Variants in TG observed in about 807,000 individuals in gnomAD.
TG encodes the protein thyroid hormones.
A neutral mutation model predicts 324.7 loss-of-function variants in TG; 270 were observed. That is an observed-to-expected ratio of 0.83 (90% CI 0.75 to 0.92). The LOEUF (loss-of-function observed/expected upper bound fraction) is 0.92, where lower values mean the gene tolerates loss of function less well. TG is among the 40% of genes least tolerant of loss of function. The pLI, the probability that TG is intolerant of heterozygous loss-of-function variation, is 0.00. For missense variants in TG, 3,591 were observed against 3,456.4 expected (o/e 1.04, Z -0.98); for synonymous variants, 1,401 against 1,327.0 (o/e 1.06, Z -1.21).
rs1250770423 is a variant in TG at position 132,889,346 on chromosome 8, TTTGCAAGTTTAACA to T, written c.2761+782_2761+795del. On this transcript the variant is annotated intron_variant, in intron 10 of 47. Coordinates refer to ENST00000220616, the MANE Select transcript of TG (RefSeq NM_003235.5). The stretch of plus-strand genomic sequence containing the variant: ...TTCAGTAAAATCTCTCAATTCATTC[TTTGCAAGTTTAACA>T]TTGTCTGGACCTTCCTGAGTAATGT... Among the ~76,000 whole-genome samples, 8 of 152,392 alleles carry T rather than the reference TTTGCAAGTTTAACA, an allele frequency of 5.2e-5. No individual in the cohort carries two copies. In the East Asian group the frequency reaches 1.5e-3, roughly 29 times the overall value.
At chr8:132,954,133 A>G (rs1464219836) in intron 27 of TG, among the ~76,000 whole-genome samples, 3 of 152,022 alleles carry the variant, frequency 2.0e-5, no homozygotes, top group East Asian at 1.9e-4. Flanking sequence ...AGTGATTGTC[A>G]TTATCTTGGG....
chr8:133,102,995 C>T (rs927250591), intron 43 of TG: 4 of 227,034 alleles, frequency 1.8e-5, no homozygotes, highest in South Asian at 5.7e-5. Context: ...ACAGGAATAT[C>T]CAGTCTTTGG....
intron 43 of TG, among the ~76,000 whole-genome samples, chr8:133,105,870 C>T (rs370554396): frequency 3.3e-5 from 5 of 152,132 alleles, no homozygotes; most frequent in African/African-American, 4.8e-5. Context: ...GGGGATGGGG[C>T]GTCTACTGGT....
In TG at chr8:132,972,802, C is replaced by T. The variant is rs563636417; in HGVS notation, c.6199+61C>T. 441 of 1,600,610 alleles carry T rather than the reference C, an allele frequency of 2.8e-4. 1 individual carries two copies. The Middle Eastern group carries it at 3.2e-3, about 12-fold the overall frequency. ...TTTAGTTAACTATTTCCCAGCCATG[C>T]ATTAGGACAATATTCTTGGATTGGT... is the stretch of plus-strand genomic sequence containing the variant. On this transcript the variant is annotated intron_variant, in intron 34 of 47. Coordinates refer to ENST00000220616, the MANE Select transcript of TG (RefSeq NM_003235.5).
chr8:133,124,894 T>C (rs989378992), intron 45 of TG, among the ~76,000 whole-genome samples: 3 of 152,236 alleles, frequency 2.0e-5, no homozygotes, highest in Non-Finnish European at 2.9e-5. Flanking sequence ...ATCTTTTTAG[T>C]TGACTGTCTT....
chr8:132,966,276 C>T (rs955689246), intron 29 of TG, among the ~76,000 whole-genome samples: 1 of 152,158 alleles, frequency 6.6e-6, no homozygotes. Context: ...CAGATAACTT[C>T]CAAGGCTTTA....
chr8:133,116,585 C>G (rs749667128), intron 44 of TG, 24 bp from the exon 45 acceptor site: 3 of 1,596,984 alleles, frequency 1.9e-6, no homozygotes, highest in Middle Eastern at 3.3e-4. Flanking sequence ...TAACCAGACT[C>G]CCCCCATGTT....
intron 25 of TG, among the ~76,000 whole-genome samples, chr8:132,939,045 C>CAAAAA (rs36002632): frequency 7.4e-5 from 5 of 67,758 alleles, no homozygotes; most frequent in African/African-American, 1.8e-4. Context: ...GCAGGAGTCT[C>CAAAAA]AAAAAAAAAA....
chr8:132,934,291 C>T (rs1032916402), intron 24 of TG, among the ~76,000 whole-genome samples: 13 of 152,028 alleles, frequency 8.6e-5, no homozygotes, highest in Middle Eastern at 3.4e-3. Flanking sequence ...GCTGAGATCA[C>T]GCCACTGCAC....
chr8:133,108,788 C>T (rs1376179486), intron 43 of TG, among the ~76,000 whole-genome samples: 5 of 152,228 alleles, frequency 3.3e-5, no homozygotes, highest in Non-Finnish European at 5.9e-5. Context: ...GCTATGGACA[C>T]AATCCCTGCC....
intron 27 of TG, among the ~76,000 whole-genome samples, chr8:132,957,776 C>CAG (rs1827142103): frequency 2.0e-5 from 3 of 150,662 alleles, no homozygotes; most frequent in South Asian, 2.1e-4. Context: ...CACACACACA[C>CAG]ACACACACGT....
rs756215414 is a variant in TG, at chr8:133,040,175, T to C, written c.7239+10152T>C. ...GCCGGTCAGGGACCCTGGGGACGCC[T>C]CAGCCAGTGTGGGGTTCAGGCCTGA... On this transcript the variant is annotated intron_variant, in intron 41 of 47. Transcript: ENST00000220616. 28 of 1,557,044 alleles carry C rather than the reference T, an allele frequency of 1.8e-5. No homozygotes were observed. The South Asian group carries it at 3.1e-4, about 17-fold the overall frequency.
At chr8:132,967,674 C>A in intron 30 of TG, 120 bp from the exon 31 acceptor site, 2 of 1,108,290 alleles carry the variant, frequency 1.8e-6, no homozygotes, top group Non-Finnish European at 2.7e-6. Flanking sequence ...CAGTCTCAGG[C>A]CTCTGCCCTA....
rs540593845 is a variant in TG at position 132,897,798 on chromosome 8, T to G, written c.3139+12T>G. ...CCACGCTGGGACTGGTAAGGAGGGA[T>G]AGGCACCTTCAGGTGGCCAAGTGAC... On this transcript the variant is annotated intron_variant, in intron 12 of 47. Transcript: ENST00000220616. 5.0e-6 allele frequency: 8 copies of G among 1,614,030 alleles called. No individual in the cohort carries two copies. Among genetic ancestry groups the G allele is most frequent in the Non-Finnish European group, 6.8e-6 (8 of 1,180,012 alleles).
chr8:133,013,574 A>T, intron 36 of TG, 26 bp from the exon 37 acceptor site: 1 of 1,613,884 alleles, frequency 6.2e-7, no homozygotes, highest in Non-Finnish European at 8.5e-7. Context: ...AGGCCCAAGC[A>T]TCACTCTTCT....
chr8:133,017,869 G>A lies in TG; in HGVS notation c.6654G>A (p.Val2218=), dbSNP rs745738069. The part of the protein sequence containing the change: ...RLLGRSQAIQ[V]GTSWKQVDQF... ...TGGGCAGGTCCCAGGCCATCCAGGT[G>A]GGTACCTCATGGAAGCAAGTGGACC... Residue 2218 remains valine (V), a synonymous_variant, in exon 38 of 48, where the codon GTG becomes GTA. Coordinates refer to ENST00000220616, the MANE Select transcript of TG (RefSeq NM_003235.5). 6.2e-7 allele frequency: 1 copy of A among 1,614,208 alleles called. No homozygotes were observed. The highest frequency in any genetic ancestry group is 1.3e-5 in the African/African-American group (1 of 75,052).
At chr8:132,959,504 T>C (rs2130311538) in intron 27 of TG, among the ~76,000 whole-genome samples, 1 of 152,334 alleles carries the variant, frequency 6.6e-6, no homozygotes, top group East Asian at 1.9e-4. Flanking sequence ...TGGGACTTTT[T>C]TTGTATGAAA....
chr8:133,016,846 G>A (rs1362249587), intron 37 of TG, among the ~76,000 whole-genome samples: 1 of 152,182 alleles, frequency 6.6e-6, no homozygotes, highest in East Asian at 1.9e-4. Context: ...GAAAGAAAAT[G>A]TCGTCGAGGA....
intron 19 of TG, among the ~76,000 whole-genome samples, chr8:132,912,344 A>G (rs887008615): frequency 6.6e-6 from 1 of 152,120 alleles, no homozygotes; most frequent in African/African-American, 2.4e-5. Flanking sequence ...CCGCAAAAAC[A>G]TGAGATGTTT....
Sources: gnomAD v4.1 joint callset for allele counts (sites outside exome capture counted in the v4.1 genomes callset) on GRCh38, gnomAD v4.1.1 for gene constraint, MANE v1.5 for transcripts, NCBI Gene and HGNC (gene_info 2026-07-23, HGNC 2026-07-21) for gene names.